Variants in TOX observed in about 807,000 individuals in gnomAD.
The protein encoded by TOX is thymocyte selection-associated high mobility group box protein TOX.
A neutral mutation model predicts 53.7 loss-of-function variants in TOX; 11 were observed. That is an observed-to-expected ratio of 0.20 (90% CI 0.13 to 0.34). The LOEUF (loss-of-function observed/expected upper bound fraction) is 0.34, where lower values mean the gene tolerates loss of function less well. TOX is among the 10% of genes least tolerant of loss of function. The probability of loss-of-function intolerance (pLI) is 1.00; values close to 1 mark genes in which losing one functional copy is unlikely to be tolerated. For missense variants in TOX, 570 were observed against 664.6 expected (o/e 0.86, Z 1.56); for synonymous variants, 225 against 245.3 (o/e 0.92, Z 0.77).
At chr8:58,850,932 C>T (rs1023842987) in intron 4 of TOX, among the ~76,000 whole-genome samples, 1 of 152,178 alleles carries the variant, frequency 6.6e-6, no homozygotes, top group Admixed American at 6.5e-5. Context: ...TAAAACCCAT[C>T]TTCCTATTCA....
At chr8:58,984,736 C>A (rs2129416957) in intron 1 of TOX, among the ~76,000 whole-genome samples, 1 of 143,936 alleles carries the variant, frequency 6.9e-6, no homozygotes, top group Admixed American at 7.4e-5. Context: ...GGAGCCAAGA[C>A]CGCGCCACTG....
intron 1 of TOX, among the ~76,000 whole-genome samples, chr8:58,989,207 T>C (rs923850157): frequency 1.3e-5 from 2 of 151,956 alleles, no homozygotes; most frequent in East Asian, 1.9e-4. Context: ...TCCCAGCTAC[T>C]TGGGAGGCTG....
At chr8:58,929,343 C>G (rs903156506) in intron 3 of TOX, among the ~76,000 whole-genome samples, 11 of 152,040 alleles carry the variant, frequency 7.2e-5, no homozygotes, top group African/African-American at 2.7e-4. Flanking sequence ...CCCTCCAGGA[C>G]TTCATACCTT....
chr8:58,825,638 G>A (rs1810353051), intron 6 of TOX, among the ~76,000 whole-genome samples: 1 of 152,184 alleles, frequency 6.6e-6, no homozygotes, highest in Admixed American at 6.5e-5. Flanking sequence ...GATCTTGGAT[G>A]AAATAAGGAG....
At chr8:59,025,385 T>C (rs1814214553) in intron 1 of TOX, among the ~76,000 whole-genome samples, 1 of 152,060 alleles carries the variant, frequency 6.6e-6, no homozygotes, top group Non-Finnish European at 1.5e-5. Flanking sequence ...CTACTGTACA[T>C]CCAATATGAG....
At chr8:59,025,281 G>A (rs557990720) in intron 1 of TOX, among the ~76,000 whole-genome samples, 7 of 152,110 alleles carry the variant, frequency 4.6e-5, no homozygotes, top group Non-Finnish European at 8.8e-5. Flanking sequence ...TGTCTGTGTG[G>A]GGGTGTTTTA....
At chr8:58,937,957 C>T (rs1246418718) in intron 3 of TOX, among the ~76,000 whole-genome samples, 4 of 151,956 alleles carry the variant, frequency 2.6e-5, no homozygotes, top group African/African-American at 9.7e-5. Flanking sequence ...ACATTTAGCA[C>T]GTTAAAAAAA....
chr8:59,069,391 T>C (rs1804153371), intron 1 of TOX, among the ~76,000 whole-genome samples: 1 of 152,176 alleles, frequency 6.6e-6, no homozygotes, highest in Admixed American at 6.5e-5. Context: ...AGAGGTGTTA[T>C]GTTTGATCTT....
chr8:58,810,184 T>G (rs1481490455), intron 7 of TOX, among the ~76,000 whole-genome samples: 1 of 152,056 alleles, frequency 6.6e-6, no homozygotes, highest in Non-Finnish European at 1.5e-5. Flanking sequence ...ATTTATTTAT[T>G]GTAGAGATGG....
chr8:58,993,915 A>G (rs4738749), intron 1 of TOX, among the ~76,000 whole-genome samples: 142,733 of 151,434 alleles, frequency 0.94, 67,349 homozygotes, highest in East Asian at 1. Context: ...CGAATGGCTG[A>G]GTGGCCAGTT....
rs570272739 is a variant in TOX, at chr8:58,847,124, CT to C, written c.693+4399del. Reference sequence around the variant, plus strand: ...ATAAATCATCCCCAGAGAAATCCACCTTTAAACAAGCTCTAAAAGAATTCTT... The same window carrying C: ...ATAAATCATCCCCAGAGAAATCCACCTTAAACAAGCTCTAAAAGAATTCTT... On this transcript the variant is annotated intron_variant, in intron 4 of 8. Coordinates refer to ENST00000361421, the MANE Select transcript of TOX (RefSeq NM_014729.3). Among the ~76,000 whole-genome samples, 8 of 152,168 alleles carry C rather than the reference CT, an allele frequency of 5.3e-5. No individual in the cohort carries two copies. The South Asian group carries it at 1.5e-3, about 28-fold the overall frequency.
intron 1 of TOX, among the ~76,000 whole-genome samples, chr8:59,080,386 A>T (rs1804384902): frequency 6.6e-6 from 1 of 151,610 alleles, no homozygotes; most frequent in South Asian, 2.1e-4. Flanking sequence ...TATATTTTAC[A>T]GGCTCATAGG....
chr8:59,098,046 T>G (rs1184611621), intron 1 of TOX, among the ~76,000 whole-genome samples: 1 of 151,658 alleles, frequency 6.6e-6, no homozygotes, highest in Non-Finnish European at 1.5e-5. Flanking sequence ...AAATATGATC[T>G]TGTTGCAACT....
chr8:58,967,241 A>G (rs1217603182), intron 1 of TOX, among the ~76,000 whole-genome samples: 4 of 152,214 alleles, frequency 2.6e-5, no homozygotes, highest in Non-Finnish European at 5.9e-5. Flanking sequence ...ATGATGCCAC[A>G]GTGGTTCAAA....
intron 1 of TOX, among the ~76,000 whole-genome samples, chr8:59,030,411 C>G (rs887552800): frequency 9.2e-5 from 14 of 152,298 alleles, no homozygotes; most frequent in African/African-American, 3.4e-4. Flanking sequence ...TTGTACATTG[C>G]TAATGAATCT....
rs144594177 is a variant in TOX at position 58,951,825 on chromosome 8, G to A, written c.168+8118C>T. Among the ~76,000 whole-genome samples, 20 of 152,276 alleles carry A rather than the reference G, an allele frequency of 1.3e-4. No homozygotes were observed. In the East Asian group the frequency reaches 3.7e-3, roughly 28 times the overall value. ...CACTTGTTTGGCTTTGCTACTGACA[G>A]CATCAAATATCCTAATTTAAGAACA... On this transcript the variant is annotated intron_variant, in intron 2 of 8. Coordinates refer to ENST00000361421, the MANE Select transcript of TOX (RefSeq NM_014729.3).
At chr8:58,910,595 T>C (rs1811892291) in intron 3 of TOX, among the ~76,000 whole-genome samples, 1 of 152,246 alleles carries the variant, frequency 6.6e-6, no homozygotes, top group African/African-American at 2.4e-5. Flanking sequence ...TTGGGAATTT[T>C]TTCTTTCTCT....
intron 1 of TOX, among the ~76,000 whole-genome samples, chr8:59,046,538 G>A (rs765400324): frequency 5.9e-5 from 9 of 152,100 alleles, no homozygotes; most frequent in Non-Finnish European, 1.2e-4. Context: ...GGCACTGAAA[G>A]AACAAACACC....
At chr8:58,852,581 G>A (rs2129168322) in intron 3 of TOX, among the ~76,000 whole-genome samples, 1 of 152,290 alleles carries the variant, frequency 6.6e-6, no homozygotes, top group African/African-American at 2.4e-5. Context: ...ATTGGAGGAT[G>A]AAGCTTTTAA....
Sources: allele counts gnomAD v4.1 joint callset (sites outside exome capture counted in the v4.1 genomes callset), GRCh38; gene constraint gnomAD v4.1.1; transcripts MANE v1.5; gene names NCBI Gene and HGNC (gene_info 2026-07-23, HGNC 2026-07-21).